Variants in FYB2 observed in about 807,000 individuals in gnomAD.
FYB2 encodes the protein FYN binding protein 2.
FYB2 carries 103 observed loss-of-function variants against 94.1 expected under a neutral mutation model. The ratio of observed to expected loss-of-function variants is 1.09; its 90% confidence interval spans 0.93 to 1.29. FYB2 has a LOEUF of 1.29. Ranked by LOEUF, FYB2 falls within the 50% of genes most tolerant of loss-of-function variation. The pLI is 0.00. For synonymous variants in FYB2, 293 were observed against 287.9 expected (o/e 1.02, Z -0.18); for missense variants, 896 against 841.5 (o/e 1.06, Z -0.80).
Position 56,770,389 on chromosome 1 carries a change from T to C in FYB2, c.954-2451A>G, listed in dbSNP as rs150846915. Reference sequence around the variant, plus strand: ...AGTTTTAATGAGCTGTTTTAGAGGATAGAAAAAGAGGAAAAGCTACGCTAC... The same window carrying C: ...AGTTTTAATGAGCTGTTTTAGAGGACAGAAAAAGAGGAAAAGCTACGCTAC... On this transcript the variant is annotated intron_variant, in intron 4 of 19. Coordinates refer to ENST00000343433, the MANE Select transcript of FYB2 (RefSeq NM_001004303.5). 2.1e-3 allele frequency among the ~76,000 whole-genome samples: 321 copies of C among 152,218 alleles called. 1 individual carries two copies. Among genetic ancestry groups the C allele is most frequent in the African/African-American group, 7.5e-3 (313 of 41,544 alleles).
intron 8 of FYB2, among the ~76,000 whole-genome samples, chr1:56,752,221 G>A (rs1341699999): frequency 1.3e-5 from 2 of 151,944 alleles, no homozygotes; most frequent in African/African-American, 4.8e-5. Context: ...CAAAGAGTTT[G>A]GGCTTTATTT....
In FYB2 at chr1:56,789,284, C is replaced by A. The variant is rs185481184; in HGVS notation, c.758-150G>T. ...GCCCTGATCAATACATAAACCTGAT[C>A]AGTTGCCATGCTGCTGCTTTAAGGA... On this transcript the variant is annotated intron_variant, in intron 2 of 19. Transcript: ENST00000343433. 7 of 873,138 alleles carry A rather than the reference C, an allele frequency of 8.0e-6. No homozygotes were observed. In the African/African-American group the frequency reaches 1.0e-4, roughly 13 times the overall value. The allele number at this position is 873,138 out of a possible 1,614,324, so 54.1% of individuals were successfully genotyped here.
intron 9 of FYB2, among the ~76,000 whole-genome samples, chr1:56,748,253 AGAT>A (rs1368073550): frequency 2.0e-5 from 3 of 152,112 alleles, no homozygotes; most frequent in African/African-American, 4.8e-5. Context: ...TAGTTTAATT[AGAT>A]CCCATTGGTC....
chr1:56,825,804 C>T, the FYB2 span, among the ~76,000 whole-genome samples: 1 of 152,156 alleles, frequency 6.6e-6, no homozygotes, highest in Non-Finnish European at 1.5e-5. Flanking sequence ...TCACAGTGAC[C>T]CACAAAACCA....
At chr1:56,764,071 C>T (rs755797433) in intron 5 of FYB2, among the ~76,000 whole-genome samples, 2 of 151,992 alleles carry the variant, frequency 1.3e-5, no homozygotes, top group Non-Finnish European at 2.9e-5. Context: ...CTGCCTCAGC[C>T]TCCCAAGTAG....
At chr1:56,782,826 T>C (rs1164257091) in intron 4 of FYB2, among the ~76,000 whole-genome samples, 1 of 152,152 alleles carries the variant, frequency 6.6e-6, no homozygotes, top group Non-Finnish European at 1.5e-5. Context: ...ACCTCCTTTA[T>C]GTGTCTGAGT....
At chr1:56,774,931 G>T (rs188534654) in intron 4 of FYB2, among the ~76,000 whole-genome samples, 4 of 152,154 alleles carry the variant, frequency 2.6e-5, no homozygotes, top group Non-Finnish European at 5.9e-5. Context: ...TTCAGCTTTT[G>T]GACTCTTGGA....
chr1:56,743,164 T>C (rs539150546), intron 11 of FYB2, among the ~76,000 whole-genome samples: 2 of 152,186 alleles, frequency 1.3e-5, no homozygotes, highest in East Asian at 3.9e-4. Flanking sequence ...CTGAAGGTAC[T>C]TCTCCTAATT....
chr1:56,818,535 A>G (rs1439926887), intron 1 of FYB2, among the ~76,000 whole-genome samples: 1 of 151,928 alleles, frequency 6.6e-6, no homozygotes, highest in Non-Finnish European at 1.5e-5. Context: ...GACTTACTGA[A>G]GACGGAAATA....
intron 15 of FYB2, among the ~76,000 whole-genome samples, chr1:56,729,922 C>T (rs954794301): frequency 2.6e-5 from 4 of 152,096 alleles, no homozygotes; most frequent in African/African-American, 9.6e-5. Flanking sequence ...ACAACATGCT[C>T]CTGAACAACC....
chr1:56,808,794 C>T (rs2405235), intron 1 of FYB2, among the ~76,000 whole-genome samples: 152,297 of 152,322 alleles, frequency 1, 76,136 homozygotes, highest in Non-Finnish European at 1. Flanking sequence ...ATATCTCATC[C>T]CCATCTGTGA....
At chr1:56,810,212 A>G (rs896970402) in intron 1 of FYB2, among the ~76,000 whole-genome samples, 1 of 152,190 alleles carries the variant, frequency 6.6e-6, no homozygotes, top group African/African-American at 2.4e-5. Context: ...GAAAAATTGT[A>G]TCAGTTCTGT....
At chr1:56,729,747 A>G (rs577449985) in intron 15 of FYB2, among the ~76,000 whole-genome samples, 10 of 152,276 alleles carry the variant, frequency 6.6e-5, no homozygotes, top group African/African-American at 2.2e-4. Context: ...TTCATTATTA[A>G]TGGAACATTC....
chr1:56,769,854 C>T (rs548519773), intron 4 of FYB2, among the ~76,000 whole-genome samples: 1 of 152,084 alleles, frequency 6.6e-6, no homozygotes, highest in East Asian at 1.9e-4. Flanking sequence ...AATAAATGTA[C>T]ATAGATTAAG....
At chr1:56,819,840 G>C (rs12137176), upstream of FYB2, 19,493 of 160,350 alleles carry the variant, frequency 0.12, 1,301 homozygotes, top group African/African-American at 0.18. Flanking sequence ...TAAGCCCACA[G>C]GGGGATTTAG....
At chr1:56,723,223 A>G (rs201880615) in intron 17 of FYB2, among the ~76,000 whole-genome samples, 2,039 of 144,332 alleles carry the variant, frequency 0.014, 122 homozygotes, top group Admixed American at 0.11. Flanking sequence ...ACACACACAC[A>G]CGCACACACA....
At chr1:56,742,758 A>G (rs532659612) in intron 11 of FYB2, among the ~76,000 whole-genome samples, 2 of 152,162 alleles carry the variant, frequency 1.3e-5, no homozygotes, top group Admixed American at 6.5e-5. Context: ...TCAAAACTCA[A>G]CTTTAACACA....
In FYB2 at chr1:56,751,120, T is replaced by C; in HGVS notation, c.1311A>G (p.Gln437=). The stretch of plus-strand genomic sequence containing the variant: ...TCTGGATGATGTCAATCATGGCCTC[T>C]TGCTTTCCAGCCAACATGTTCCTTC... ...TGRRNMLAGK[Q]EAMIDIIQTN... is the part of the protein sequence containing the mutation. The change falls in exon 9 of 20, where the codon CAA becomes CAG. Residue 437 remains glutamine (Q), a synonymous_variant. Coordinates refer to ENST00000343433, the MANE Select transcript of FYB2 (RefSeq NM_001004303.5). 1 of 1,612,924 alleles carries C rather than the reference T, an allele frequency of 6.2e-7. No homozygotes were observed. Among genetic ancestry groups the C allele is most frequent in the Non-Finnish European group, 8.5e-7 (1 of 1,179,282 alleles).
chr1:56,757,750 C>CTTTCTTTCT, intron 6 of FYB2, among the ~76,000 whole-genome samples: 1 of 71,576 alleles, frequency 1.4e-5, no homozygotes, highest in Non-Finnish European at 2.6e-5. Flanking sequence ...TTCTTTCTTT[C>CTTTCTTTCT]TTTCTTTTCA....
Sources: gnomAD v4.1 joint callset for allele counts (sites outside exome capture counted in the v4.1 genomes callset) on GRCh38, gnomAD v4.1.1 for gene constraint, MANE v1.5 for transcripts, NCBI Gene and HGNC (gene_info 2026-07-23, HGNC 2026-07-21) for gene names.